DLG2: variants seen among roughly 807,000 people sequenced by gnomAD.
DLG2 encodes the protein discs large MAGUK scaffold protein 2.
DLG2 carries 45 observed loss-of-function variants against 132.5 expected under a neutral mutation model. The observed-to-expected ratio is 0.34, with a 90% CI of 0.27 to 0.44. DLG2 has a LOEUF of 0.44. Ranked by LOEUF, DLG2 falls within the 20% of genes least tolerant of loss-of-function variation. The probability of loss-of-function intolerance (pLI) is 1.00; values close to 1 mark genes in which losing one functional copy is unlikely to be tolerated. For synonymous variants in DLG2, 424 were observed against 419.6 expected, an observed-to-expected ratio of 1.01 and a Z score of -0.13; for missense variants, 1,045 against 1,196.9, an observed-to-expected ratio of 0.87 and a Z score of 1.87.
intron 18 of DLG2, among the ~76,000 whole-genome samples, chr11:83,665,477 T>C (rs1437067962): frequency 1.3e-5 from 2 of 151,982 alleles, no homozygotes; most frequent in Non-Finnish European, 2.9e-5. Context: ...CAAATGGGGG[T>C]TATACTTTCT....
At chr11:84,152,644 C>A (rs546496814) in intron 9 of DLG2, among the ~76,000 whole-genome samples, 2 of 152,194 alleles carry the variant, frequency 1.3e-5, no homozygotes, top group African/African-American at 4.8e-5. Flanking sequence ...TCTCGGCCCC[C>A]CAAAGTGCTG....
chr11:85,598,704 T>G lies in DLG2; in HGVS notation c.-8A>C, dbSNP rs762203037. ...GCTCTTAAAGATACCCATCACCTTT[T>G]TAACCGCATTTTTCAACAGCTGCTC... is the stretch of plus-strand genomic sequence containing the variant. On this transcript the variant is annotated 5_prime_UTR_variant, in exon 3 of 28. Transcript: ENST00000376104. 6.3e-7 allele frequency: 1 copy of G among 1,579,190 alleles called. No homozygotes were observed.
intron 4 of DLG2, among the ~76,000 whole-genome samples, chr11:85,278,994 G>A (rs901807053): frequency 6.6e-6 from 1 of 152,084 alleles, no homozygotes; most frequent in Non-Finnish European, 1.5e-5. Context: ...CTATAAAATG[G>A]CCTATATATG....
At chr11:85,152,898 T>TC (rs2077349123) in intron 5 of DLG2, among the ~76,000 whole-genome samples, 1 of 152,222 alleles carries the variant, frequency 6.6e-6, no homozygotes, top group African/African-American at 2.4e-5. Context: ...ATCAACCAGT[T>TC]TTAATTCATA....
At chr11:85,609,425 C>T (rs745429546) in intron 2 of DLG2, among the ~76,000 whole-genome samples, 17 of 152,194 alleles carry the variant, frequency 1.1e-4, no homozygotes, top group Non-Finnish European at 1.9e-4. Context: ...AGAAAGACCA[C>T]AGCCTTAGTC....
At chr11:83,909,314 G>A (rs1174695539) in intron 15 of DLG2, among the ~76,000 whole-genome samples, 1 of 152,160 alleles carries the variant, frequency 6.6e-6, no homozygotes, top group African/African-American at 2.4e-5. Context: ...TAATGTCTGA[G>A]ACTCCTTTCA....
At chr11:85,404,348 A>T (rs901806888) in intron 3 of DLG2, among the ~76,000 whole-genome samples, 1 of 152,042 alleles carries the variant, frequency 6.6e-6, no homozygotes, top group African/African-American at 2.4e-5. Context: ...GATTAAAAGA[A>T]GATTAGCCAT....
chr11:84,835,629 C>G (rs2079651777), intron 6 of DLG2, among the ~76,000 whole-genome samples: 1 of 151,728 alleles, frequency 6.6e-6, no homozygotes. Context: ...CCCACAAATT[C>G]TCCTTCTCAG....
At chr11:84,910,582 T>C (rs2091961686) in intron 6 of DLG2, among the ~76,000 whole-genome samples, 2 of 152,176 alleles carry the variant, frequency 1.3e-5, no homozygotes, top group Admixed American at 6.5e-5. Context: ...TAAGAGAGAC[T>C]CAATTAATGT....
chr11:84,016,694 G>T (rs890339760), intron 11 of DLG2, among the ~76,000 whole-genome samples: 3 of 151,964 alleles, frequency 2.0e-5, no homozygotes, highest in Admixed American at 1.3e-4. Context: ...TCTCTATTTT[G>T]TTCCATTGTT....
At chr11:85,484,243 G>A (rs887862295) in intron 3 of DLG2, among the ~76,000 whole-genome samples, 21 of 30,546 alleles carry the variant, frequency 6.9e-4, no homozygotes, top group East Asian at 3.5e-3. Flanking sequence ...CTCTCCCACC[G>A]CCCCTCCTCC....
intron 6 of DLG2, among the ~76,000 whole-genome samples, chr11:84,885,253 T>C (rs11234226): frequency 6.6e-6 from 1 of 151,890 alleles, no homozygotes; most frequent in South Asian, 2.1e-4. Context: ...AATGTTTTGG[T>C]AACAATTTAA....
At chr11:84,636,336 A>G (rs568775002) in intron 6 of DLG2, among the ~76,000 whole-genome samples, 2 of 152,328 alleles carry the variant, frequency 1.3e-5, no homozygotes, top group East Asian at 3.9e-4. Flanking sequence ...AGAAGTATTG[A>G]AAAGTAGTAT....
intron 5 of DLG2, among the ~76,000 whole-genome samples, chr11:85,122,975 T>TATATATATATATA (rs57980898): frequency 9.4e-4 from 47 of 49,898 alleles, no homozygotes; most frequent in South Asian, 3.6e-3. Context: ...ATATATTTTT[T>TATATATATATATA]TTTTTTTTTT....
rs2081242913 is a variant in DLG2, at chr11:83,692,956, G to A, written c.1826-59631C>T. 5 of 152,148 alleles carry A rather than the reference G, an allele frequency of 3.3e-5. No individual in the cohort carries two copies. In the South Asian group the frequency reaches 1.0e-3, roughly 32 times the overall value. The allele number at this position is 152,148 out of a possible 1,614,324, so 9.4% of individuals were successfully genotyped here. A position where few individuals can be genotyped will look rare whatever the true frequency, so the allele number is the denominator to read the frequency against. ...TGATGCAATGAATCTTTTGGCTTCA[G>A]AGCTACATGTTGAAGATGAAGGAGC... On this transcript the variant is annotated intron_variant, in intron 18 of 27. Coordinates refer to ENST00000376104, the MANE Select transcript of DLG2 (RefSeq NM_001142699.3).
At chr11:83,818,400 AC>A (rs2049723716) in intron 17 of DLG2, among the ~76,000 whole-genome samples, 1 of 152,160 alleles carries the variant, frequency 6.6e-6, no homozygotes, top group Admixed American at 6.5e-5. Flanking sequence ...TCCTCAGAAT[AC>A]CTGGTGAGGT....
rs370116156 is a variant in DLG2 at position 85,285,314 on chromosome 11, T to A, written c.92A>T (p.Glu31Val). Reference protein sequence around the residue: ...VTLLNSQKSCEQKIEEANQVL... With the variant: ...VTLLNSQKSCVQKIEEANQVL... The stretch of plus-strand genomic sequence containing the variant: ...TTGATTGGCTTCTTCTATCTTCTGC[T>A]CACAACTTTTTTGAGAATTTAGCAA... Residue 31 changes from glutamate to valine, a missense_variant, in exon 4 of 28, where the codon GAG (glutamate) becomes GTG (valine). Coordinates refer to ENST00000376104, the MANE Select transcript of DLG2 (RefSeq NM_001142699.3). 3 of 1,612,004 alleles carry A rather than the reference T, an allele frequency of 1.9e-6. No homozygotes were observed. The highest frequency in any genetic ancestry group is 2.7e-5 in the African/African-American group (2 of 74,934).
At chr11:83,724,783 AT>A (rs1297246386) in intron 18 of DLG2, 2 of 694,910 alleles carry the variant, frequency 2.9e-6, no homozygotes, top group Non-Finnish European at 5.3e-6. Context: ...CCCTCTTTTC[AT>A]TTTACTGGCC....
chr11:85,129,565 G>T (rs946455806), intron 5 of DLG2, among the ~76,000 whole-genome samples: 5 of 152,070 alleles, frequency 3.3e-5, no homozygotes, highest in African/African-American at 1.2e-4. Flanking sequence ...GAAAAGTCAG[G>T]AAACAACAGA....
Sources: allele counts gnomAD v4.1 joint callset (sites outside exome capture counted in the v4.1 genomes callset), GRCh38; gene constraint gnomAD v4.1.1; transcripts MANE v1.5; gene names NCBI Gene and HGNC (gene_info 2026-07-23, HGNC 2026-07-21).